The following GRAMD2A variants were observed in gnomAD, a reference collection of about 807,000 sequenced individuals.
GRAMD2A encodes GRAM domain containing 2A, also known as GRAM domain-containing protein 2A.
Under a neutral mutation model 51.1 loss-of-function variants are expected in GRAMD2A, and 37 were observed. That is an observed-to-expected ratio of 0.72 (90% CI 0.56 to 0.95). The LOEUF is 0.95. GRAMD2A is among the 40% of genes least tolerant of loss of function. The pLI, the probability that GRAMD2A is intolerant of heterozygous loss-of-function variation, is 0.00. For missense variants in GRAMD2A, 414 were observed against 426.9 expected (o/e 0.97, Z 0.27); for synonymous variants, 136 against 157.1 (o/e 0.87, Z 1.01).
chr15:72,162,992 T>C, intron 10 of GRAMD2A: 1 of 393,928 alleles, frequency 2.5e-6, no homozygotes, highest in East Asian at 4.1e-5. Context: ...TTCTCCCAAA[T>C]CCTTTTCCTC....
intron 1 of GRAMD2A, among the ~76,000 whole-genome samples, chr15:72,192,580 A>G (rs2081775777): frequency 6.6e-6 from 1 of 152,236 alleles, no homozygotes; most frequent in South Asian, 2.1e-4. Context: ...CATACTGCCC[A>G]CGCTGCTGTG....
At chr15:72,179,891 A>G (rs1429204323) in intron 1 of GRAMD2A, among the ~76,000 whole-genome samples, 1 of 152,194 alleles carries the variant, frequency 6.6e-6, no homozygotes, top group East Asian at 1.9e-4. Flanking sequence ...CATGTCCTCC[A>G]TGCCTGAATC....
chr15:72,161,955 A>G lies in GRAMD2A; in HGVS notation c.*54T>C. 1 of 1,601,344 alleles carries G rather than the reference A, an allele frequency of 6.2e-7. No individual in the cohort carries two copies. The highest frequency in any genetic ancestry group is 8.6e-7 in the Non-Finnish European group (1 of 1,168,382). ...CCACAGGGATCATTGGTGGAGACTTAGCACCCAGAACATTCTTCTTGGAGA... is the reference window on the plus strand; with the variant it reads ...CCACAGGGATCATTGGTGGAGACTTGGCACCCAGAACATTCTTCTTGGAGA... On this transcript the variant is annotated 3_prime_UTR_variant, in exon 12 of 12. Transcript: ENST00000309731.
intron 1 of GRAMD2A, among the ~76,000 whole-genome samples, chr15:72,180,433 C>G (rs2081688061): frequency 6.6e-6 from 1 of 152,270 alleles, no homozygotes; most frequent in Admixed American, 6.5e-5. Context: ...CGCCCCTGTG[C>G]TCTTGGGGGC....
chr15:72,167,116 C>G, intron 5 of GRAMD2A, 24 bp from the exon 6 acceptor site: 1 of 1,552,974 alleles, frequency 6.4e-7, no homozygotes, highest in Middle Eastern at 1.7e-4. Context: ...GGATGCTTCT[C>G]TCAGGACTAA....
At chr15:72,177,989 A>G (rs772161786) in intron 1 of GRAMD2A, among the ~76,000 whole-genome samples, 2 of 152,174 alleles carry the variant, frequency 1.3e-5, no homozygotes, top group Non-Finnish European at 2.9e-5. Context: ...CGGCCTCCCA[A>G]AGTGCTGGGA....
Position 72,166,524 on chromosome 15 carries a change from C to T in GRAMD2A, c.543+108G>A. ...GAGCCTTTAACTCCCCTCTCCCTGCCCCATTCCCTGTGCTGGAGAGATGGG... is the reference window on the plus strand; with the variant it reads ...GAGCCTTTAACTCCCCTCTCCCTGCTCCATTCCCTGTGCTGGAGAGATGGG... On this transcript the variant is annotated intron_variant, in intron 7 of 11. Transcript: ENST00000309731. This position sits in a 1 kb window ranked among gnomAD's most constrained non-coding sequence, Gnocchi z 4.1. The T allele has an allele frequency of 1.3e-6, 1 of 789,798 alleles. No homozygotes were observed. Among genetic ancestry groups the T allele is most frequent in the South Asian group, 1.4e-5 (1 of 72,094 alleles). 48.9% of individuals were successfully genotyped at this position (789,798 alleles called of 1,614,324 possible). A position where few individuals can be genotyped will look rare whatever the true frequency, so the allele number is the denominator to read the frequency against.
intron 9 of GRAMD2A, 55 bp from the exon 10 acceptor site, chr15:72,163,531 G>A (rs776205865): frequency 2.4e-5 from 39 of 1,598,544 alleles, no homozygotes; most frequent in Non-Finnish European, 3.2e-5. Context: ...GCTGGCTGTG[G>A]TGAGCCCTTT....
chr15:72,169,175 G>A, intron 2 of GRAMD2A, 179 bp from the exon 3 acceptor site: 2 of 631,050 alleles, frequency 3.2e-6, no homozygotes, highest in Middle Eastern at 4.2e-4. Context: ...AAACTATACA[G>A]CTCATCCCTG....
chr15:72,178,779 T>G (rs1209201106), intron 1 of GRAMD2A, among the ~76,000 whole-genome samples: 1 of 151,958 alleles, frequency 6.6e-6, no homozygotes, highest in Non-Finnish European at 1.5e-5. Context: ...TTTCACCGTG[T>G]TAGCCAGGAT....
chr15:72,172,422 T>TC (rs1277385508), intron 1 of GRAMD2A, among the ~76,000 whole-genome samples: 2 of 140,964 alleles, frequency 1.4e-5, no homozygotes, highest in East Asian at 4.3e-4. Flanking sequence ...CCTAGCCTTT[T>TC]TTTTTTTTTT....
rs553043955 is a variant in GRAMD2A, at chr15:72,177,044, T to A, written c.42-7105A>T. Among the ~76,000 whole-genome samples the A allele has an allele frequency of 2.7e-3, 404 of 150,282 alleles. 2 individuals are homozygous for A. The highest frequency in any genetic ancestry group is 6.8e-3 in the Middle Eastern group (2 of 292). ...CCATGCCCAGCTATTTTTTAAAAAA[T>A]TTTTTTATAGAGATAAGGTCTTGCT... On this transcript the variant is annotated intron_variant, in intron 1 of 11. Transcript: ENST00000309731.
chr15:72,191,189 TG>T (rs2081765375), intron 1 of GRAMD2A, among the ~76,000 whole-genome samples: 1 of 152,222 alleles, frequency 6.6e-6, no homozygotes, highest in Admixed American at 6.5e-5. Context: ...AGCAAATGGT[TG>T]AAGAGGGAAC....
At chr15:72,195,559 C>A (rs2140563726) in intron 1 of GRAMD2A, among the ~76,000 whole-genome samples, 1 of 152,270 alleles carries the variant, frequency 6.6e-6, no homozygotes. Flanking sequence ...CACGGGAGCA[C>A]CCTAGGTGGA....
At position 72,160,361 on chromosome 15, in the gene GRAMD2A, A is replaced by C. The variant is rs1212436864; in HGVS notation, c.*1648T>G. The C allele has an allele frequency of 2.0e-5, 3 of 148,796 alleles. No homozygotes were observed. Among genetic ancestry groups the C allele is most frequent in the Non-Finnish European group, 4.4e-5 (3 of 67,554 alleles). 9.2% of individuals were successfully genotyped at this position (148,796 alleles called of 1,614,324 possible). On this transcript the variant is annotated 3_prime_UTR_variant, in exon 12 of 12. Transcript: ENST00000309731. ...AAAAAAAAAAAAAAAAAGGATGACC[A>C]TTCATGGAACAGTGAGTTTCACCTG...
rs776523847 is a variant in GRAMD2A, at chr15:72,196,709, A to G, written c.41+1022T>C. On this transcript the variant is annotated intron_variant, in intron 1 of 11. Coordinates refer to ENST00000309731, the MANE Select transcript of GRAMD2A (RefSeq NM_001012642.3). ...AGGGTACCCTCTCTCGTTCCCTAGG[A>G]GCCTGGCCCCTGCAAGGAGGGGCAC... Among the ~76,000 whole-genome samples, 12 of 152,154 alleles carry G rather than the reference A, an allele frequency of 7.9e-5. No individual in the cohort carries two copies. In the Middle Eastern group the frequency reaches 0.01, roughly 129 times the overall value.
At chr15:72,169,337 C>CCAAGG in intron 2 of GRAMD2A, 1 of 459,272 alleles carries the variant, frequency 2.2e-6, no homozygotes, top group Admixed American at 3.1e-5. Flanking sequence ...ATTTCTCTGG[C>CCAAGG]CAAGGGGTAA....
At chr15:72,171,532 T>C (rs1296244650) in intron 1 of GRAMD2A, among the ~76,000 whole-genome samples, 1 of 152,148 alleles carries the variant, frequency 6.6e-6, no homozygotes, top group African/African-American at 2.4e-5. Context: ...GTGAAATTAG[T>C]GGATTGAGAA....
In GRAMD2A at chr15:72,166,757, G is replaced by T; in HGVS notation, c.472-54C>A. 1 of 1,471,860 alleles carries T rather than the reference G, an allele frequency of 6.8e-7. No individual in the cohort carries two copies. Among genetic ancestry groups the T allele is most frequent in the Non-Finnish European group, 9.5e-7 (1 of 1,055,902 alleles). The allele number at this position is 1,471,860 out of a possible 1,614,324, so 91.2% of individuals were successfully genotyped here. ...GTAGGGTGAGATGAGACTCCTTGCTGTGCCAGCCAGCCCCCTTGTGGATTG... is the reference window on the plus strand; with the variant it reads ...GTAGGGTGAGATGAGACTCCTTGCTTTGCCAGCCAGCCCCCTTGTGGATTG... On this transcript the variant is annotated intron_variant, in intron 6 of 11. Coordinates refer to ENST00000309731, the MANE Select transcript of GRAMD2A (RefSeq NM_001012642.3). This position sits in a 1 kb window ranked among gnomAD's most constrained non-coding sequence, Gnocchi z 4.1.
Sources: gnomAD v4.1 joint callset for allele counts (sites outside exome capture counted in the v4.1 genomes callset) on GRCh38, gnomAD v4.1.1 for gene constraint, Gnocchi (gnomAD v3.1) non-coding constraint, MANE v1.5 for transcripts, NCBI Gene and HGNC (gene_info 2026-07-23, HGNC 2026-07-21) for gene names.